ST7L: variants seen among roughly 807,000 people sequenced by gnomAD.
The protein encoded by ST7L is suppression of tumorigenicity 7 like, also known as suppressor of tumorigenicity 7 protein-like.
A neutral mutation model predicts 72.5 loss-of-function variants in ST7L; 57 were observed. The observed-to-expected ratio is 0.79, with a 90% CI of 0.64 to 0.98. The LOEUF (loss-of-function observed/expected upper bound fraction) is 0.98, where lower values mean the gene tolerates loss of function less well. Among genes scored for constraint, ST7L ranks in the 50% least tolerant of loss-of-function variants. ST7L has a pLI of 0.00. For synonymous variants in ST7L, 221 were observed against 240.9 expected (o/e 0.92, Z 0.77); for missense variants, 576 against 672.2 (o/e 0.86, Z 1.58).
chr1:112,599,909 T>A (rs909305232), intron 4 of ST7L, among the ~76,000 whole-genome samples: 2 of 152,208 alleles, frequency 1.3e-5, no homozygotes, highest in East Asian at 3.8e-4. Flanking sequence ...CTTATGATTA[T>A]CAAATTAAAC....
chr1:112,601,551 G>A (rs1667395475), intron 3 of ST7L, among the ~76,000 whole-genome samples: 3 of 151,692 alleles, frequency 2.0e-5, no homozygotes, highest in South Asian at 4.2e-4. Context: ...GGCCAGACAC[G>A]TTTTGTTCTA....
intron 14 of ST7L, among the ~76,000 whole-genome samples, chr1:112,537,798 C>T (rs141873071): frequency 6.6e-6 from 1 of 152,198 alleles, no homozygotes; most frequent in African/African-American, 2.4e-5. Context: ...AGGTTTTCAT[C>T]TCAGCCAGGA....
At position 112,546,316 on chromosome 1, in the gene ST7L, C is replaced by CAA. The variant is rs57742086; in HGVS notation, c.1490-4228_1490-4227dup. ...CCTGAGTGACAGTGAAATCCTAACT[C>CAA]AAAAAAAAAAAAAAAAAAAAGAGAG... is the stretch of plus-strand genomic sequence containing the variant. On this transcript the variant is annotated intron_variant, in intron 13 of 14. Coordinates refer to ENST00000358039, the MANE Select transcript of ST7L (RefSeq NM_017744.5). Among the ~76,000 whole-genome samples the CAA allele has an allele frequency of 1.7e-3, 153 of 91,254 alleles. 1 individual carries two copies. The highest frequency in any genetic ancestry group is 5.6e-3 in the African/African-American group (134 of 24,104). The allele number at this position is 91,254 out of a possible 152,430, so 59.9% of individuals were successfully genotyped here.
At chr1:112,549,963 C>A (rs916782269) in intron 13 of ST7L, among the ~76,000 whole-genome samples, 1 of 151,948 alleles carries the variant, frequency 6.6e-6, no homozygotes, top group Non-Finnish European at 1.5e-5. Context: ...GAGGAAGTAC[C>A]CTTCAATTTG....
chr1:112,596,684 C>T (rs1310710124), intron 5 of ST7L, among the ~76,000 whole-genome samples: 1 of 152,004 alleles, frequency 6.6e-6, no homozygotes, highest in Admixed American at 6.6e-5. Flanking sequence ...GTCGCCTAGG[C>T]TAGAGTGCAA....
At chr1:112,612,358 A>G (rs1344142058) in intron 2 of ST7L, among the ~76,000 whole-genome samples, 1 of 152,188 alleles carries the variant, frequency 6.6e-6, no homozygotes, top group Non-Finnish European at 1.5e-5. Context: ...TTGGCCTCAC[A>G]AAGTGCTAGG....
In ST7L at chr1:112,591,024, G is replaced by A. The variant is rs550652837; in HGVS notation, c.701+501C>T. ...TGGCTCACTACAAACTCCACCTCCC[G>A]GGTTCATGCCATTCTCCTGCCTCAG... On this transcript the variant is annotated intron_variant, in intron 6 of 14. Transcript: ENST00000358039. Among the ~76,000 whole-genome samples, 22 of 146,338 alleles carry A rather than the reference G, an allele frequency of 1.5e-4. No homozygotes were observed. In the East Asian group the frequency reaches 1.8e-3, roughly 12 times the overall value.
chr1:112,555,141 T>C (rs1055929853), intron 12 of ST7L, among the ~76,000 whole-genome samples: 1 of 152,212 alleles, frequency 6.6e-6, no homozygotes, highest in Non-Finnish European at 1.5e-5. Flanking sequence ...TTATGTTGTA[T>C]ATATTTTACA....
At chr1:112,555,725 A>G (rs1557971800) in intron 12 of ST7L, 143 bp downstream of exon 12, 1 of 676,522 alleles carries the variant, frequency 1.5e-6, no homozygotes, top group Non-Finnish European at 2.2e-6. Context: ...AATAAACCAA[A>G]TATCTCATCA....
At chr1:112,619,417 C>CT (rs996057657), upstream of ST7L, 2 of 540,224 alleles carry the variant, frequency 3.7e-6, no homozygotes, top group African/African-American at 3.9e-5. Flanking sequence ...GCCCCCCCCC[C>CT]GGGGTTGGAA....
At position 112,570,624 on chromosome 1, in the gene ST7L, G is replaced by A. The variant is rs1406014494; in HGVS notation, c.1245+6362C>T. ...TGTTCCTTAGGTTGAATAAGTTATT[G>A]TGACTCACAATTGAAGTGTGAAGAA... On this transcript the variant is annotated intron_variant, in intron 11 of 14. Transcript: ENST00000358039. 7 of 375,262 alleles carry A rather than the reference G, an allele frequency of 1.9e-5. No homozygotes were observed. The East Asian group carries it at 4.8e-4, about 26-fold the overall frequency. The allele number at this position is 375,262 out of a possible 1,614,324, so 23.2% of individuals were successfully genotyped here.
chr1:112,551,540 G>A lies in ST7L; in HGVS notation c.1397-847C>T, dbSNP rs187828671. Among the ~76,000 whole-genome samples, 14 of 152,210 alleles carry A rather than the reference G, an allele frequency of 9.2e-5. No homozygotes were observed. The East Asian group carries it at 1.2e-3, about 13-fold the overall frequency. Reference sequence around the variant, plus strand: ...ATGATTTTATAAATAAAACTTTATCGGAACATAGTTATGCCATTCATTTAC... The same window carrying A: ...ATGATTTTATAAATAAAACTTTATCAGAACATAGTTATGCCATTCATTTAC... On this transcript the variant is annotated intron_variant, in intron 12 of 14. Coordinates refer to ENST00000358039, the MANE Select transcript of ST7L (RefSeq NM_017744.5).
chr1:112,588,758 T>C (rs554672645), intron 6 of ST7L, among the ~76,000 whole-genome samples: 3 of 152,324 alleles, frequency 2.0e-5, no homozygotes, highest in East Asian at 1.9e-4. Context: ...TCAGGGTGTA[T>C]AACATTTTTA....
chr1:112,589,876 C>T (rs1665428114), intron 6 of ST7L, among the ~76,000 whole-genome samples: 1 of 152,144 alleles, frequency 6.6e-6, no homozygotes, highest in Non-Finnish European at 1.5e-5. Flanking sequence ...AGCATATGCC[C>T]AGCTCTGGCT....
intron 11 of ST7L, among the ~76,000 whole-genome samples, chr1:112,562,135 T>C (rs557104174): frequency 1.8e-3 from 279 of 151,982 alleles, no homozygotes; most frequent in Non-Finnish European, 3.0e-3. Flanking sequence ...TTGGCTAGCT[T>C]TTTAATTTTT....
intron 3 of ST7L, among the ~76,000 whole-genome samples, chr1:112,602,388 C>G (rs912769101): frequency 2.0e-5 from 3 of 152,134 alleles, no homozygotes; most frequent in Non-Finnish European, 2.9e-5. Context: ...GTACATCAGG[C>G]ACCTGCCTCA....
chr1:112,590,929 CTTT>C (rs146691818), intron 6 of ST7L, among the ~76,000 whole-genome samples: 3 of 128,636 alleles, frequency 2.3e-5, no homozygotes, highest in Non-Finnish European at 4.9e-5. Flanking sequence ...TTTTAGTACC[CTTT>C]TTTTTTTTTT....
At chr1:112,585,554 C>A (rs948705832) in intron 6 of ST7L, among the ~76,000 whole-genome samples, 29 of 151,954 alleles carry the variant, frequency 1.9e-4, no homozygotes, top group African/African-American at 6.5e-4. Flanking sequence ...CACGGTGAAA[C>A]CCTGTCTCTA....
intron 1 of ST7L, among the ~76,000 whole-genome samples, chr1:112,618,619 T>C (rs998174279): frequency 6.6e-6 from 1 of 152,206 alleles, no homozygotes; most frequent in African/African-American, 2.4e-5. Context: ...TGAGACACTC[T>C]TCTGTCCTAA....
Sources: gnomAD v4.1 joint callset for allele counts (sites outside exome capture counted in the v4.1 genomes callset) on GRCh38, gnomAD v4.1.1 for gene constraint, MANE v1.5 for transcripts, NCBI Gene and HGNC (gene_info 2026-07-23, HGNC 2026-07-21) for gene names.